RNF17: variants seen among roughly 807,000 people sequenced by gnomAD.
The protein encoded by RNF17 is spermatogenesis associated 23.
RNF17 carries 31 observed loss-of-function variants against 200.5 expected under a neutral mutation model. The ratio of observed to expected loss-of-function variants is 0.15; its 90% CI spans 0.12 to 0.21. RNF17 has a LOEUF of 0.21. RNF17 is among the 10% of genes least tolerant of loss of function. The pLI, the probability that RNF17 is intolerant of heterozygous loss-of-function variation, is 1.00. For synonymous variants in RNF17, 606 were observed against 637.8 expected (o/e 0.95, Z 0.75); for missense variants, 1,628 against 1,905.1 (o/e 0.85, Z 2.71).
chr13:24,857,078 G>A (rs1892594088), intron 25 of RNF17, among the ~76,000 whole-genome samples: 1 of 152,166 alleles, frequency 6.6e-6, no homozygotes, highest in Non-Finnish European at 1.5e-5. Context: ...AGGAACTTTA[G>A]GGAGGTAGAC....
chr13:24,881,828 A>G (rs1287405111), downstream of RNF17, among the ~76,000 whole-genome samples: 1 of 141,876 alleles, frequency 7.0e-6, no homozygotes. Flanking sequence ...ATATAGATAC[A>G]TCTATATAGA....
downstream of RNF17, among the ~76,000 whole-genome samples, chr13:24,883,714 A>AGTT (rs1831444973): frequency 6.6e-6 from 1 of 152,160 alleles, no homozygotes; most frequent in Non-Finnish European, 1.5e-5. Flanking sequence ...TGGGGAAGAG[A>AGTT]GTTAGTTATT....
intron 25 of RNF17, among the ~76,000 whole-genome samples, chr13:24,857,480 T>G (rs1447836228): frequency 2.6e-5 from 4 of 152,168 alleles, no homozygotes; most frequent in African/African-American, 9.7e-5. Context: ...TAGCATAAAT[T>G]AACCTGCTTT....
At chr13:24,831,296 G>T (rs776896480) in intron 17 of RNF17, among the ~76,000 whole-genome samples, 7 of 152,064 alleles carry the variant, frequency 4.6e-5, no homozygotes, top group Admixed American at 3.9e-4. Context: ...CAAAAAATTA[G>T]CTGGGCGTGG....
At chr13:24,750,698 T>A in the RNF17 span, 1 of 152,260 alleles carries the variant, frequency 6.6e-6, no homozygotes, top group South Asian at 2.1e-4. Flanking sequence ...GCCTTCTGAT[T>A]TCTGTTTTTT....
chr13:24,821,277 A>T (rs1189266144), intron 15 of RNF17, among the ~76,000 whole-genome samples: 1 of 152,180 alleles, frequency 6.6e-6, no homozygotes, highest in Non-Finnish European at 1.5e-5. Context: ...GATTATAAAG[A>T]ACCTGTATCG....
downstream of RNF17, among the ~76,000 whole-genome samples, chr13:24,883,712 A>G (rs889992352): frequency 6.6e-6 from 1 of 152,222 alleles, no homozygotes; most frequent in African/African-American, 2.4e-5. Flanking sequence ...GGTGGGGAAG[A>G]GAGTTAGTTA....
At chr13:24,873,743 GA>G (rs1894550595) in intron 32 of RNF17, among the ~76,000 whole-genome samples, 1 of 60,558 alleles carries the variant, frequency 1.7e-5, no homozygotes, top group East Asian at 5.8e-4. Flanking sequence ...TCATGTAACT[GA>G]ACCATTAATC....
In RNF17 at chr13:24,779,737, T is replaced by C; in HGVS notation, c.500T>C (p.Ile167Thr). 6.2e-7 allele frequency: 1 copy of C among 1,612,688 alleles called. No individual in the cohort carries two copies. Among genetic ancestry groups the C allele is most frequent in the Non-Finnish European group, 8.5e-7 (1 of 1,178,850 alleles). ...TAHHSFEQLSIAGKALEHMQK... is the reference protein window; with the variant it reads ...TAHHSFEQLSTAGKALEHMQK... ...CACCATAGTTTCGAACAGTTAAGCA[T>C]TGCTGGAAAAGTAAGCACTTTGCAG... Residue 167 changes from isoleucine (I) to threonine (T), a missense_variant, in exon 5 of 36, where the codon ATT becomes ACT. Transcript: ENST00000255324.
downstream of RNF17, among the ~76,000 whole-genome samples, chr13:24,882,107 T>G (rs113773285): frequency 1.0e-3 from 6 of 6,022 alleles, no homozygotes; most frequent in South Asian, 5.4e-3. Context: ...GATACATCTA[T>G]ATAGATATAT....
intron 16 of RNF17, among the ~76,000 whole-genome samples, chr13:24,827,727 A>AAAAAAAC (rs1566188607): frequency 6.8e-6 from 1 of 147,934 alleles, no homozygotes; most frequent in East Asian, 2.0e-4. Flanking sequence ...ACAAAAAAAA[A>AAAAAAAC]AAAACAATAG....
At chr13:24,754,586 A>G in the RNF17 span, among the ~76,000 whole-genome samples, 4 of 152,246 alleles carry the variant, frequency 2.6e-5, no homozygotes, top group East Asian at 5.8e-4. Context: ...CTACCCACGA[A>G]TGTATTATTC....
chr13:24,783,588 C>T (rs1312409058), intron 6 of RNF17, among the ~76,000 whole-genome samples: 3 of 152,070 alleles, frequency 2.0e-5, no homozygotes, highest in Admixed American at 1.3e-4. Context: ...CTTTCACCTC[C>T]TTTGTTTATT....
In RNF17 at chr13:24,774,300, GC is replaced by G. The variant is rs774458359; in HGVS notation, c.226-511del. 1.6e-4 allele frequency among the ~76,000 whole-genome samples: 24 copies of G among 151,596 alleles called. 1 individual carries two copies. Among genetic ancestry groups the G allele is most frequent in the Non-Finnish European group, 2.8e-4 (19 of 67,926 alleles). ...CACTGCAACCTCCACGCTCTGCCTC[GC>G]CAGGTTCAAGCAATTCTCCTGCCTC... On this transcript the variant is annotated intron_variant, in intron 2 of 35. Coordinates refer to ENST00000255324, the MANE Select transcript of RNF17 (RefSeq NM_031277.3).
chr13:24,869,312 G>A (rs906743507), intron 31 of RNF17, among the ~76,000 whole-genome samples: 62 of 152,204 alleles, frequency 4.1e-4, no homozygotes, highest in African/African-American at 1.4e-3. Flanking sequence ...TCTCTCACAG[G>A]CAGGGGAAGG....
chr13:24,861,044 A>AT (rs976595117), intron 26 of RNF17, among the ~76,000 whole-genome samples: 13 of 151,862 alleles, frequency 8.6e-5, no homozygotes, highest in African/African-American at 2.9e-4. Context: ...CAGACAGCTA[A>AT]TTTTTTTTAT....
chr13:24,823,164 C>T (rs1824744226), intron 15 of RNF17, among the ~76,000 whole-genome samples: 1 of 152,120 alleles, frequency 6.6e-6, no homozygotes, highest in Non-Finnish European at 1.5e-5. Context: ...ACCTCCACCT[C>T]CCAGGTTCAA....
At chr13:24,775,021 A>G (rs1881367628) in intron 3 of RNF17, 117 bp downstream of exon 3, 1 of 654,094 alleles carries the variant, frequency 1.5e-6, no homozygotes, top group East Asian at 2.9e-5. Flanking sequence ...TGTTTATGGA[A>G]TGCTCTTTAA....
At chr13:24,870,968 C>T (rs1370940526) in intron 32 of RNF17, among the ~76,000 whole-genome samples, 1 of 152,222 alleles carries the variant, frequency 6.6e-6, no homozygotes, top group Non-Finnish European at 1.5e-5. Context: ...AGAACACTTT[C>T]ACGTTCCACA....
Sources: gnomAD v4.1 joint callset for allele counts (sites outside exome capture counted in the v4.1 genomes callset) on GRCh38, gnomAD v4.1.1 for gene constraint, MANE v1.5 for transcripts, NCBI Gene and HGNC (gene_info 2026-07-23, HGNC 2026-07-21) for gene names.